The following SF3B3 variants were observed in gnomAD, a reference collection of about 807,000 sequenced individuals.
The protein encoded by SF3B3 is splicing factor 3b subunit 3, also known as SAP 130.
SF3B3 carries 33 observed loss-of-function variants against 139.2 expected under a neutral mutation model. The observed-to-expected ratio is 0.24, with a 90% CI of 0.18 to 0.32. SF3B3 has a LOEUF of 0.32. SF3B3 is among the 10% of genes least tolerant of loss of function. SF3B3 has a pLI of 1.00. For synonymous variants in SF3B3, 596 were observed against 563.6 expected (o/e 1.06, Z -0.81); for missense variants, 818 against 1,509.4 (o/e 0.54, Z 7.59).
intron 12 of SF3B3, 40 bp from the exon 13 acceptor site, chr16:70,555,011 A>C (rs993615425): frequency 6.3e-7 from 1 of 1,598,608 alleles, no homozygotes; most frequent in Non-Finnish European, 8.6e-7. Flanking sequence ...GTGATGAATC[A>C]AATTGTTAAA....
At chr16:70,562,622 C>T (rs185227120) in intron 17 of SF3B3, among the ~76,000 whole-genome samples, 29 of 152,154 alleles carry the variant, frequency 1.9e-4, no homozygotes, top group Middle Eastern at 3.4e-3. Flanking sequence ...TCAGTGTTCC[C>T]CTTGTCTTTT....
Position 70,563,495 on chromosome 16 carries a change from A to C in SF3B3, c.2289-381A>C, listed in dbSNP as rs2050448280. 2.0e-5 allele frequency among the ~76,000 whole-genome samples: 3 copies of C among 152,308 alleles called. No individual in the cohort carries two copies. The South Asian group carries it at 6.2e-4, about 32-fold the overall frequency. ...GTGATTTTTGTTCACAAAGGTATCC[A>C]CTTTATTTTATGAAGCACAGTCACT... On this transcript the variant is annotated intron_variant, in intron 17 of 25. Coordinates refer to ENST00000302516, the MANE Select transcript of SF3B3 (RefSeq NM_012426.5).
chr16:70,544,394 A>G, intron 9 of SF3B3, 44 bp from the exon 10 acceptor site: 1 of 1,122,176 alleles, frequency 8.9e-7, no homozygotes, highest in Non-Finnish European at 1.4e-6. Flanking sequence ...GTGTTTGAAA[A>G]CAGCACTGGA....
Position 70,538,412 on chromosome 16 carries a change from T to G in SF3B3, c.915T>G (p.Thr305=). ...TKSMFFFLAQ[T]EQGDIFKITL... is the part of the protein sequence containing the mutation. ...CGATGTTCTTCTTTTTGGCTCAAAC[T>G]GAGCAGGGAGATATCTTTAAGATCA... The change falls in exon 7 of 26, where the codon ACT becomes ACG. Residue 305 remains threonine, a synonymous_variant. Transcript: ENST00000302516. 1 of 1,614,054 alleles carries G rather than the reference T, an allele frequency of 6.2e-7. No individual in the cohort carries two copies. Among genetic ancestry groups the G allele is most frequent in the Non-Finnish European group, 8.5e-7 (1 of 1,179,878 alleles).
intron 3 of SF3B3, 128 bp downstream of exon 3, chr16:70,529,327 T>G: frequency 1.4e-6 from 1 of 720,310 alleles, no homozygotes; most frequent in South Asian, 2.0e-5. Context: ...ACTCTAGGTT[T>G]AAAGTTGCAT....
At chr16:70,531,909 A>G (rs1192275407) in intron 4 of SF3B3, among the ~76,000 whole-genome samples, 1 of 152,240 alleles carries the variant, frequency 6.6e-6, no homozygotes, top group Admixed American at 6.5e-5. Flanking sequence ...TTGTCAAACT[A>G]TTTGGCGTCA....
intron 9 of SF3B3, among the ~76,000 whole-genome samples, chr16:70,542,643 C>G (rs2050230162): frequency 6.6e-6 from 1 of 152,174 alleles, no homozygotes; most frequent in East Asian, 1.9e-4. Flanking sequence ...AAATTAATTG[C>G]TTTGTTCTTC....
chr16:70,530,695 C>G, intron 3 of SF3B3, 50 bp from the exon 4 acceptor site: 9 of 1,475,654 alleles, frequency 6.1e-6, no homozygotes, highest in South Asian at 1.2e-5. Context: ...CTATAAGTCT[C>G]TCTTCTCATT....
intron 25 of SF3B3, 134 bp from the exon 26 acceptor site, chr16:70,571,539 C>T (rs548431913): frequency 5.2e-5 from 49 of 950,666 alleles, no homozygotes; most frequent in East Asian, 2.4e-4. Context: ...CACTGCAACC[C>T]GGATGATAGG....
intron 10 of SF3B3, among the ~76,000 whole-genome samples, chr16:70,546,052 G>A (rs762638547): frequency 2.0e-5 from 3 of 152,162 alleles, no homozygotes; most frequent in East Asian, 3.9e-4. Context: ...AGCCTCCAAC[G>A]CCCAGTCTCA....
chr16:70,570,281 T>C, intron 24 of SF3B3, 132 bp downstream of exon 24: 1 of 899,270 alleles, frequency 1.1e-6, no homozygotes, highest in South Asian at 1.8e-5. Flanking sequence ...GTGACAGAAG[T>C]ACTTGGGGAG....
At chr16:70,558,767 T>C (rs2050401466) in intron 15 of SF3B3, among the ~76,000 whole-genome samples, 1 of 152,066 alleles carries the variant, frequency 6.6e-6, no homozygotes, top group Non-Finnish European at 1.5e-5. Context: ...GGCTAATTTT[T>C]CTTGTTTCTA....
chr16:70,538,969 C>T, intron 7 of SF3B3, 135 bp from the exon 8 acceptor site: 2 of 674,660 alleles, frequency 3.0e-6, no homozygotes, highest in Non-Finnish European at 2.7e-6. Context: ...GCATGACTGG[C>T]CCATGAGCCG....
intron 24 of SF3B3, among the ~76,000 whole-genome samples, chr16:70,570,576 T>C (rs2050519789): frequency 6.6e-6 from 1 of 152,274 alleles, no homozygotes; most frequent in East Asian, 1.9e-4. Context: ...GTGATCCGCC[T>C]GCCTCAGCCT....
chr16:70,560,375 C>CT, intron 15 of SF3B3, 94 bp from the exon 16 acceptor site: 1 of 1,328,480 alleles, frequency 7.5e-7, no homozygotes, highest in Middle Eastern at 1.9e-4. Context: ...TCTATCTGCT[C>CT]TAATTTCTTA....
intron 24 of SF3B3, among the ~76,000 whole-genome samples, chr16:70,570,718 G>T (rs1162399439): frequency 5.3e-5 from 8 of 152,184 alleles, no homozygotes; most frequent in African/African-American, 1.4e-4. Flanking sequence ...TTTAGAACTG[G>T]ACTCCACAGA....
At chr16:70,525,279 G>C in intron 1 of SF3B3, among the ~76,000 whole-genome samples, 1 of 151,952 alleles carries the variant, frequency 6.6e-6, no homozygotes. Flanking sequence ...CATTTGCCTC[G>C]GCCTCCCAAA....
chr16:70,561,073 T>C (rs2050423909), intron 16 of SF3B3, among the ~76,000 whole-genome samples: 1 of 152,146 alleles, frequency 6.6e-6, no homozygotes, highest in Non-Finnish European at 1.5e-5. Context: ...CAGGCTGGAA[T>C]GTAGTGGTGC....
intron 22 of SF3B3, among the ~76,000 whole-genome samples, chr16:70,568,729 T>A (rs2050500843): frequency 6.6e-6 from 1 of 152,252 alleles, no homozygotes; most frequent in South Asian, 2.1e-4. Context: ...AATGATAGGT[T>A]TAGTTTGAGC....
Sources: gnomAD v4.1 joint callset for allele counts (sites outside exome capture counted in the v4.1 genomes callset) on GRCh38, gnomAD v4.1.1 for gene constraint, MANE v1.5 for transcripts, NCBI Gene and HGNC (gene_info 2026-07-23, HGNC 2026-07-21) for gene names.